Variants in CNTN4 observed in about 807,000 individuals in gnomAD.
The protein encoded by CNTN4 is contactin 4.
A neutral mutation model predicts 122.5 loss-of-function variants in CNTN4; 77 were observed. The observed-to-expected ratio is 0.63, with a 90% CI of 0.52 to 0.76. The LOEUF (loss-of-function observed/expected upper bound fraction) is 0.76. Among genes scored for constraint, CNTN4 ranks in the 30% least tolerant of loss-of-function variants. CNTN4 has a pLI of 0.00. For synonymous variants in CNTN4, 512 were observed against 447.0 expected, an observed-to-expected ratio of 1.15 and a Z score of -1.83; for missense variants, 1,256 against 1,259.1, an observed-to-expected ratio of 1.00 and a Z score of 0.04.
chr3:2,754,672 A>G (rs1181135159), intron 6 of CNTN4, among the ~76,000 whole-genome samples: 1 of 151,818 alleles, frequency 6.6e-6, no homozygotes, highest in South Asian at 2.1e-4. Context: ...AAGCCACTTC[A>G]TTTTGGCCTT....
At chr3:2,607,610 C>CCACACACA (rs61707029) in intron 4 of CNTN4, among the ~76,000 whole-genome samples, 3 of 145,480 alleles carry the variant, frequency 2.1e-5, no homozygotes, top group South Asian at 2.3e-4. Flanking sequence ...ACATATGCAT[C>CCACACACA]CACACACACA....
intron 4 of CNTN4, among the ~76,000 whole-genome samples, chr3:2,735,280 C>T (rs2088999757): frequency 6.6e-6 from 1 of 152,178 alleles, no homozygotes; most frequent in South Asian, 2.1e-4. Flanking sequence ...AAATCACTTC[C>T]ATGGGCGTAA....
chr3:2,785,602 T>TA (rs200379172), intron 6 of CNTN4, among the ~76,000 whole-genome samples: 1,729 of 152,294 alleles, frequency 0.011, 13 homozygotes, highest in Admixed American at 0.021. Flanking sequence ...ACAAACAAGT[T>TA]ACAGTGAAAA....
At chr3:2,353,722 C>T (rs1053884130) in intron 3 of CNTN4, among the ~76,000 whole-genome samples, 16 of 152,176 alleles carry the variant, frequency 1.1e-4, no homozygotes, top group Non-Finnish European at 1.8e-4. Context: ...CTGGACACAC[C>T]GTCTCTACTA....
rs373270241 is a variant in CNTN4 at position 2,491,673 on chromosome 3, G to A, written c.-88-79743G>A. On this transcript the variant is annotated intron_variant, in intron 3 of 24. Coordinates refer to ENST00000418658, the MANE Select transcript of CNTN4 (RefSeq NM_175607.3). ...ACTATCCTATCCAACCTGTATTTTCGTGTGTAGTTCAAATCTCTTTAATTA... is the reference window on the plus strand; with the variant it reads ...ACTATCCTATCCAACCTGTATTTTCATGTGTAGTTCAAATCTCTTTAATTA... Among the ~76,000 whole-genome samples, 7 of 152,158 alleles carry A rather than the reference G, an allele frequency of 4.6e-5. No individual in the cohort carries two copies. The South Asian group carries it at 6.2e-4, about 14-fold the overall frequency.
At chr3:2,816,770 G>A (rs563665417) in intron 6 of CNTN4, among the ~76,000 whole-genome samples, 36 of 134,856 alleles carry the variant, frequency 2.7e-4, no homozygotes, top group African/African-American at 8.8e-4. Context: ...GCAGTGAGCC[G>A]TGATCACACC....
chr3:2,224,577 G>C (rs900237909), intron 2 of CNTN4, among the ~76,000 whole-genome samples: 1 of 152,154 alleles, frequency 6.6e-6, no homozygotes, highest in African/African-American at 2.4e-5. Context: ...TAGATTCTGA[G>C]TCCTGTGAGT....
At chr3:2,535,473 A>G (rs756967694) in intron 3 of CNTN4, among the ~76,000 whole-genome samples, 12 of 152,198 alleles carry the variant, frequency 7.9e-5, no homozygotes, top group Non-Finnish European at 1.0e-4. Flanking sequence ...TCCTTCAACC[A>G]TCATGTGAGG....
At chr3:2,890,162 G>T (rs2094022486) in intron 10 of CNTN4, among the ~76,000 whole-genome samples, 1 of 152,080 alleles carries the variant, frequency 6.6e-6, no homozygotes, top group African/African-American at 2.4e-5. Flanking sequence ...TTATTCTTTT[G>T]TTTTTCCTCA....
intron 3 of CNTN4, among the ~76,000 whole-genome samples, chr3:2,347,135 C>T (rs1307839445): frequency 1.8e-5 from 2 of 113,220 alleles, no homozygotes; most frequent in East Asian, 2.0e-4. Flanking sequence ...ATGGCTAGTT[C>T]ATGCTGCATT....
At chr3:2,341,508 A>G (rs2150369063) in intron 3 of CNTN4, among the ~76,000 whole-genome samples, 1 of 152,270 alleles carries the variant, frequency 6.6e-6, no homozygotes, top group East Asian at 1.9e-4. Context: ...CCTCTCTTAA[A>G]ATTTAAGTTG....
At chr3:2,875,945 C>T (rs897569430) in intron 8 of CNTN4, among the ~76,000 whole-genome samples, 7 of 152,124 alleles carry the variant, frequency 4.6e-5, no homozygotes, top group East Asian at 1.9e-4. Flanking sequence ...AAACCAGTAC[C>T]GTCCAGCGCA....
At chr3:2,725,059 A>G (rs9310836) in intron 4 of CNTN4, among the ~76,000 whole-genome samples, 1 of 152,048 alleles carries the variant, frequency 6.6e-6, no homozygotes, top group Non-Finnish European at 1.5e-5. Flanking sequence ...CTCCTATTAA[A>G]CAGAAAAATA....
intron 6 of CNTN4, among the ~76,000 whole-genome samples, chr3:2,747,274 T>A (rs1411117908): frequency 5.5e-5 from 8 of 146,092 alleles, no homozygotes; most frequent in African/African-American, 8.0e-5. Flanking sequence ...CCGGGCGCAG[T>A]GGCAGGTGCC....
At chr3:2,822,734 G>A (rs538727783) in intron 7 of CNTN4, among the ~76,000 whole-genome samples, 166 of 152,246 alleles carry the variant, frequency 1.1e-3, no homozygotes, top group Non-Finnish European at 1.9e-3. Context: ...ACGCAATGAA[G>A]TACCTGACTA....
chr3:2,565,684 A>G (rs550255113), intron 3 of CNTN4, among the ~76,000 whole-genome samples: 9 of 152,302 alleles, frequency 5.9e-5, no homozygotes, highest in African/African-American at 1.7e-4. Context: ...ACAAATATCT[A>G]TTGACTGATT....
intron 4 of CNTN4, among the ~76,000 whole-genome samples, chr3:2,730,539 A>G (rs1348090445): frequency 6.6e-6 from 1 of 152,228 alleles, no homozygotes; most frequent in Non-Finnish European, 1.5e-5. Context: ...GACTTGGTCC[A>G]GCTCCTAGGA....
chr3:3,017,291 T>C (rs1356985058), intron 14 of CNTN4, among the ~76,000 whole-genome samples: 1 of 152,172 alleles, frequency 6.6e-6, no homozygotes, highest in Non-Finnish European at 1.5e-5. Context: ...CAGACATAAT[T>C]CCTCAATGGA....
rs918111905 is a variant in CNTN4 at position 2,734,317 on chromosome 3, C to T, written c.56-1898C>T. On this transcript the variant is annotated intron_variant, in intron 4 of 24. Transcript: ENST00000418658. ...CTCAAGCAATCCTCCACGCCTCAGC[C>T]TCCCAGAGTGCTGGGATTCCAGGCT... Among the ~76,000 whole-genome samples, 3 of 152,184 alleles carry T rather than the reference C, an allele frequency of 2.0e-5. No homozygotes were observed. In the South Asian group the frequency reaches 6.2e-4, roughly 32 times the overall value.
Sources: allele counts gnomAD v4.1 joint callset (sites outside exome capture counted in the v4.1 genomes callset), GRCh38; gene constraint gnomAD v4.1.1; transcripts MANE v1.5; gene names NCBI Gene and HGNC (gene_info 2026-07-23, HGNC 2026-07-21).